The following NDST4 variants were observed in gnomAD, a reference collection of about 807,000 sequenced individuals.
The protein encoded by NDST4 is N-heparan sulfate sulfotransferase 4.
In NDST4, 63 loss-of-function variants were observed where a neutral mutation model predicts 100.8. That is an observed-to-expected ratio of 0.62 (90% confidence interval 0.51 to 0.77). The LOEUF is 0.77. Among genes scored for constraint, NDST4 ranks in the 30% least tolerant of loss-of-function variants. NDST4 has a pLI of 0.00. For missense variants in NDST4, 943 were observed against 1,018.4 expected (o/e 0.93, Z 1.01); for synonymous variants, 377 against 361.8 (o/e 1.04, Z -0.48).
chr4:114,996,525 ACCTT>A (rs1478008418), intron 2 of NDST4, among the ~76,000 whole-genome samples: 2 of 152,082 alleles, frequency 1.3e-5, no homozygotes, highest in Non-Finnish European at 2.9e-5. Context: ...AGATAAGAAC[ACCTT>A]TAAGTAATAG....
At chr4:114,946,794 A>G (rs1725875400) in intron 4 of NDST4, among the ~76,000 whole-genome samples, 1 of 152,184 alleles carries the variant, frequency 6.6e-6, no homozygotes, top group Non-Finnish European at 1.5e-5. Flanking sequence ...AAGAGAAGGA[A>G]TGGGTACAGA....
intron 6 of NDST4, among the ~76,000 whole-genome samples, chr4:114,934,566 A>T (rs1191133707): frequency 6.8e-6 from 1 of 148,138 alleles, no homozygotes; most frequent in East Asian, 2.0e-4. Context: ...AAAAAAAAAA[A>T]TAAAATAAAA....
chr4:115,061,987 T>C (rs1172658783), intron 2 of NDST4, among the ~76,000 whole-genome samples: 1 of 151,738 alleles, frequency 6.6e-6, no homozygotes, highest in African/African-American at 2.4e-5. Context: ...AAATAAAAAT[T>C]ATAGAAGGAA....
intron 7 of NDST4, 59 bp from the exon 8 acceptor site, chr4:114,852,880 A>G: frequency 8.2e-7 from 1 of 1,218,046 alleles, no homozygotes; most frequent in East Asian, 2.6e-5. Context: ...TCTGTTCTCT[A>G]AAAATTGTTC....
At chr4:115,027,276 A>G (rs959737689) in intron 2 of NDST4, among the ~76,000 whole-genome samples, 1 of 152,088 alleles carries the variant, frequency 6.6e-6, no homozygotes, top group Middle Eastern at 3.2e-3. Flanking sequence ...AGGACTTCAT[A>G]CCGTCTGGGA....
chr4:114,944,194 C>G (rs981736859), intron 4 of NDST4, among the ~76,000 whole-genome samples: 1 of 152,166 alleles, frequency 6.6e-6, no homozygotes, highest in African/African-American at 2.4e-5. Flanking sequence ...CTCTTGCTTT[C>G]TTGCTTCCAG....
In NDST4 at chr4:114,970,202, T is replaced by C. The variant is rs1023389162; in HGVS notation, c.1221+228A>G. On this transcript the variant is annotated intron_variant, in intron 4 of 13. Coordinates refer to ENST00000264363, the MANE Select transcript of NDST4 (RefSeq NM_022569.3). ...AGTTGAAAGCTTTCTGAAAATAACT[T>C]ACTTTTTGAAATATATTTTCTATAT... Among the ~76,000 whole-genome samples, 7 of 152,208 alleles carry C rather than the reference T, an allele frequency of 4.6e-5. No individual in the cohort carries two copies. The East Asian group carries it at 1.3e-3, about 29-fold the overall frequency.
intron 4 of NDST4, among the ~76,000 whole-genome samples, chr4:114,942,839 A>G (rs7654560): frequency 0.72 from 108,856 of 151,376 alleles, 40,080 homozygotes; most frequent in African/African-American, 0.89. Flanking sequence ...AGAATCAAAA[A>G]TATTCCAAAC....
rs570942265 is a variant in NDST4 at position 114,827,879 on chromosome 4, C to G, written c.2556G>C (p.Leu852=). 3 of 1,611,706 alleles carry G rather than the reference C, an allele frequency of 1.9e-6. No individual in the cohort carries two copies. Among genetic ancestry groups the G allele is most frequent in the Admixed American group, 1.7e-5 (1 of 59,752 alleles). ...YRDHNVELSK[L]LHRLGQPLPS... Reference sequence around the variant, plus strand: ...GCAGAGGCTGTCCCAGTCTGTGTAGCAGTTTGGATAGTTCCACATTATGAT... The same window carrying G: ...GCAGAGGCTGTCCCAGTCTGTGTAGGAGTTTGGATAGTTCCACATTATGAT... The change falls in exon 14 of 14, where the codon CTG becomes CTC. Residue 852 remains leucine (L), a synonymous_variant. Coordinates refer to ENST00000264363, the MANE Select transcript of NDST4 (RefSeq NM_022569.3).
At chr4:114,851,161 T>C (rs1200766168) in intron 8 of NDST4, among the ~76,000 whole-genome samples, 1 of 152,156 alleles carries the variant, frequency 6.6e-6, no homozygotes, top group Non-Finnish European at 1.5e-5. Context: ...AGTTTGCATT[T>C]AAGGGAAGAT....
At chr4:114,969,855 T>C (rs1231879658) in intron 4 of NDST4, among the ~76,000 whole-genome samples, 1 of 152,230 alleles carries the variant, frequency 6.6e-6, no homozygotes, top group Non-Finnish European at 1.5e-5. Context: ...AATCAAATGG[T>C]ACTTCTGTTT....
intron 4 of NDST4, among the ~76,000 whole-genome samples, chr4:114,945,752 G>T (rs1417845991): frequency 6.6e-6 from 1 of 152,072 alleles, no homozygotes; most frequent in African/African-American, 2.4e-5. Flanking sequence ...TAAGGACTTG[G>T]ATTCATATTG....
chr4:114,845,456 TG>T, intron 10 of NDST4, among the ~76,000 whole-genome samples: 1 of 152,222 alleles, frequency 6.6e-6, no homozygotes, highest in East Asian at 1.9e-4. Context: ...TTTATTAACT[TG>T]GACGAAACTT....
chr4:115,065,479 G>A (rs569005920), intron 2 of NDST4, among the ~76,000 whole-genome samples: 9 of 151,984 alleles, frequency 5.9e-5, no homozygotes, highest in Non-Finnish European at 1.0e-4. Context: ...TCTTAGTATC[G>A]CTAAGCCTCA....
At chr4:114,888,507 A>G (rs1261305682) in intron 6 of NDST4, among the ~76,000 whole-genome samples, 1 of 152,208 alleles carries the variant, frequency 6.6e-6, no homozygotes, top group Admixed American at 6.5e-5. Flanking sequence ...AGTCTTTGCG[A>G]CTGCCTTATA....
At position 114,933,432 on chromosome 4, in the gene NDST4, C is replaced by CTTTTTTTTTTTTTTTTTTTCTTTT. The variant is rs1725556113; in HGVS notation, c.1536+1773_1536+1774insAAAAGAAAAAAAAAAAAAAAAAAA. Among the ~76,000 whole-genome samples the CTTTTTTTTTTTTTTTTTTTCTTTT allele has an allele frequency of 3.5e-4, 31 of 89,244 alleles. 1 individual carries two copies. The highest frequency in any genetic ancestry group is 3.1e-3 in the East Asian group (7 of 2,258). The allele number at this position is 89,244 out of a possible 152,430, so 58.5% of individuals were successfully genotyped here. A position where few individuals can be genotyped will look rare whatever the true frequency, so the allele number is the denominator to read the frequency against. On this transcript the variant is annotated intron_variant, in intron 6 of 13. Coordinates refer to ENST00000264363, the MANE Select transcript of NDST4 (RefSeq NM_022569.3). ...GACTGGGAATTGATTTTTTCTTTTC[C>CTTTTTTTTTTTTTTTTTTTCTTTT]TTTTTTTTTTTTTTTTTTTTTTGTG...
At chr4:114,960,362 C>G (rs1435235704) in intron 4 of NDST4, among the ~76,000 whole-genome samples, 1 of 151,260 alleles carries the variant, frequency 6.6e-6, no homozygotes, top group Non-Finnish European at 1.5e-5. Flanking sequence ...ATTACCAGCA[C>G]TTTGGGAGGC....
intron 6 of NDST4, among the ~76,000 whole-genome samples, chr4:114,927,873 C>T (rs1725417141): frequency 6.6e-6 from 1 of 152,160 alleles, no homozygotes; most frequent in Non-Finnish European, 1.5e-5. Context: ...ATCACCTCTT[C>T]TACTTATAAG....
At chr4:114,914,442 A>T (rs772384048) in intron 6 of NDST4, among the ~76,000 whole-genome samples, 1 of 152,118 alleles carries the variant, frequency 6.6e-6, no homozygotes, top group African/African-American at 2.4e-5. Context: ...ATAAATATAT[A>T]TACCTACTGT....
Sources: allele counts gnomAD v4.1 joint callset (sites outside exome capture counted in the v4.1 genomes callset), GRCh38; gene constraint gnomAD v4.1.1; transcripts MANE v1.5; gene names NCBI Gene and HGNC (gene_info 2026-07-23, HGNC 2026-07-21).